Variants in GRIA4 observed in about 807,000 individuals in gnomAD.
GRIA4 encodes glutamate receptor 4.
A neutral mutation model predicts 104.0 loss-of-function variants in GRIA4; 34 were observed. The observed-to-expected ratio is 0.33, with a 90% CI of 0.25 to 0.44. The LOEUF (loss-of-function observed/expected upper bound fraction) is 0.44, where lower values mean the gene tolerates loss of function less well. Among genes scored for constraint, GRIA4 ranks in the 20% least tolerant of loss-of-function variants. GRIA4 has a pLI of 1.00. For synonymous variants in GRIA4, 386 were observed against 381.9 expected, an observed-to-expected ratio of 1.01 and a Z score of -0.13; for missense variants, 750 against 1,096.5, an observed-to-expected ratio of 0.68 and a Z score of 4.46.
At chr11:105,906,803 T>C (rs754011827) in intron 9 of GRIA4, among the ~76,000 whole-genome samples, 9 of 152,116 alleles carry the variant, frequency 5.9e-5, no homozygotes, top group Non-Finnish European at 1.2e-4. Flanking sequence ...CAGCCCACTC[T>C]ACCAGCACAC....
chr11:105,637,762 T>G (rs1951245917), intron 3 of GRIA4, among the ~76,000 whole-genome samples: 1 of 152,114 alleles, frequency 6.6e-6, no homozygotes, highest in Non-Finnish European at 1.5e-5. Flanking sequence ...ATAACTCATA[T>G]TCGAGGGCTA....
intron 3 of GRIA4, among the ~76,000 whole-genome samples, chr11:105,664,852 C>G (rs1952118603): frequency 6.6e-6 from 1 of 152,076 alleles, no homozygotes; most frequent in South Asian, 2.1e-4. Flanking sequence ...ATGCACCTCA[C>G]AATAGAATCA....
intron 3 of GRIA4, among the ~76,000 whole-genome samples, chr11:105,742,918 G>A (rs1462317877): frequency 2.0e-5 from 3 of 152,028 alleles, no homozygotes; most frequent in Non-Finnish European, 2.9e-5. Context: ...TGTATTTTTA[G>A]TACAGACAGG....
chr11:105,914,573 A>G (rs1387345991), intron 10 of GRIA4, among the ~76,000 whole-genome samples: 4 of 152,210 alleles, frequency 2.6e-5, no homozygotes, highest in Admixed American at 2.0e-4. Flanking sequence ...TTTCATAAAC[A>G]AGCCCTAATG....
chr11:105,665,903 C>A (rs1219464265), intron 3 of GRIA4, among the ~76,000 whole-genome samples: 1 of 151,950 alleles, frequency 6.6e-6, no homozygotes, highest in Admixed American at 6.6e-5. Context: ...AACATTTATA[C>A]TTGCTTGCTT....
intron 3 of GRIA4, among the ~76,000 whole-genome samples, chr11:105,696,826 G>A (rs1438691261): frequency 1.3e-5 from 2 of 151,530 alleles, no homozygotes; most frequent in African/African-American, 4.9e-5. Context: ...GTGCAGTGGT[G>A]TGATCTCTAC....
At chr11:105,752,808 CATTA>C (rs1482622965) in intron 3 of GRIA4, among the ~76,000 whole-genome samples, 169 bp from the exon 4 acceptor site, 10 of 152,272 alleles carry the variant, frequency 6.6e-5, no homozygotes, top group African/African-American at 2.2e-4. Context: ...CTCAATAATT[CATTA>C]ATTGATTGTG....
intron 13 of GRIA4, among the ~76,000 whole-genome samples, chr11:105,929,974 T>C (rs1947826190): frequency 6.6e-6 from 1 of 152,128 alleles, no homozygotes; most frequent in Non-Finnish European, 1.5e-5. Context: ...TTTTCTAATT[T>C]CAAACAATAA....
At chr11:105,957,828 T>C (rs1948631694) in intron 14 of GRIA4, among the ~76,000 whole-genome samples, 1 of 152,218 alleles carries the variant, frequency 6.6e-6, no homozygotes, top group African/African-American at 2.4e-5. Flanking sequence ...GTCCTTCACA[T>C]CCCTTGTAAG....
At chr11:105,833,964 T>A (rs1944082177) in intron 4 of GRIA4, among the ~76,000 whole-genome samples, 1 of 152,100 alleles carries the variant, frequency 6.6e-6, no homozygotes, top group African/African-American at 2.4e-5. Flanking sequence ...TACTATGCCT[T>A]TCCATTCCAG....
intron 3 of GRIA4, among the ~76,000 whole-genome samples, chr11:105,749,012 G>A (rs533777933): frequency 2.0e-5 from 3 of 152,178 alleles, no homozygotes; most frequent in South Asian, 4.2e-4. Context: ...ATGAAAAGGC[G>A]GATCGAGAGA....
chr11:105,637,553 C>T (rs1951239762), intron 3 of GRIA4, among the ~76,000 whole-genome samples: 1 of 152,144 alleles, frequency 6.6e-6, no homozygotes, highest in South Asian at 2.1e-4. Context: ...AATAAATACT[C>T]TGCCCTCATG....
At chr11:105,778,693 A>G (rs977775343) in intron 4 of GRIA4, among the ~76,000 whole-genome samples, 2 of 152,184 alleles carry the variant, frequency 1.3e-5, no homozygotes, top group Non-Finnish European at 2.9e-5. Flanking sequence ...CGACAGAGCA[A>G]GACTACATCT....
chr11:105,807,746 C>A (rs1287330410), intron 4 of GRIA4, among the ~76,000 whole-genome samples: 2 of 151,418 alleles, frequency 1.3e-5, no homozygotes, highest in Non-Finnish European at 3.0e-5. Context: ...ATCACAAATT[C>A]TTGGGTTTAT....
intron 3 of GRIA4, among the ~76,000 whole-genome samples, chr11:105,614,953 A>T (rs909484502): frequency 6.6e-6 from 1 of 151,988 alleles, no homozygotes; most frequent in Admixed American, 6.6e-5. Flanking sequence ...TAGGTCTTGA[A>T]ATTTAATATT....
chr11:105,752,441 C>T (rs1294887268), intron 3 of GRIA4, among the ~76,000 whole-genome samples: 4 of 151,986 alleles, frequency 2.6e-5, no homozygotes, highest in Non-Finnish European at 4.4e-5. Flanking sequence ...AATGAAATTG[C>T]CACAGCAAGC....
intron 15 of GRIA4, 58 bp downstream of exon 15, chr11:105,972,086 A>G (rs999711641): frequency 8.8e-6 from 9 of 1,026,932 alleles, no homozygotes; most frequent in Non-Finnish European, 1.2e-5. Flanking sequence ...AACGGGAGCA[A>G]TTGTCAAAAG....
At chr11:105,904,924 G>A (rs933262748) in intron 8 of GRIA4, among the ~76,000 whole-genome samples, 46 of 151,992 alleles carry the variant, frequency 3.0e-4, no homozygotes, top group African/African-American at 1.1e-3. Context: ...TACAATTGAG[G>A]GAGGATTCTT....
At chr11:105,693,471 C>G (rs1445618) in intron 3 of GRIA4, among the ~76,000 whole-genome samples, 72,187 of 151,796 alleles carry the variant, frequency 0.48, 18,073 homozygotes, top group Admixed American at 0.58. Flanking sequence ...TTTTTTTAAA[C>G]TCAAGACTTT....
Sources: allele counts gnomAD v4.1 joint callset (sites outside exome capture counted in the v4.1 genomes callset), GRCh38; gene constraint gnomAD v4.1.1; transcripts MANE v1.5; gene names NCBI Gene and HGNC (gene_info 2026-07-23, HGNC 2026-07-21).